ZNF236: variants seen among roughly 807,000 people sequenced by gnomAD.
ZNF236 encodes regulated by glucose.
In ZNF236, 50 loss-of-function variants were observed where a neutral mutation model predicts 191.2. The ratio of observed to expected loss-of-function variants is 0.26; its 90% confidence interval spans 0.21 to 0.33. ZNF236 has a LOEUF of 0.33. ZNF236 is among the 10% of genes least tolerant of loss of function. The pLI, the probability that ZNF236 is intolerant of heterozygous loss-of-function variation, is 1.00. For synonymous variants in ZNF236, 907 were observed against 928.8 expected (o/e 0.98, Z 0.43); for missense variants, 1,754 against 2,374.5 (o/e 0.74, Z 5.43).
At chr18:76,963,707 CT>C (rs1439343227) in intron 30 of ZNF236, among the ~76,000 whole-genome samples, 1 of 152,054 alleles carries the variant, frequency 6.6e-6, no homozygotes, top group Non-Finnish European at 1.5e-5. Context: ...TGGTTGTGGA[CT>C]TTGTTTTGTT....
chr18:76,902,296 T>G (rs1263453200), intron 11 of ZNF236, among the ~76,000 whole-genome samples: 3 of 152,230 alleles, frequency 2.0e-5, no homozygotes, highest in Non-Finnish European at 4.4e-5. Flanking sequence ...AAGACTTGGC[T>G]GTCATAATCT....
intron 3 of ZNF236, among the ~76,000 whole-genome samples, chr18:76,855,515 T>G (rs1976016770): frequency 6.6e-6 from 1 of 152,224 alleles, no homozygotes; most frequent in African/African-American, 2.4e-5. Context: ...ACTATGTGTC[T>G]TAAGTGTAAT....
intron 10 of ZNF236, among the ~76,000 whole-genome samples, chr18:76,895,645 G>T (rs1168080773): frequency 6.6e-6 from 1 of 151,358 alleles, no homozygotes; most frequent in Non-Finnish European, 1.5e-5. Context: ...CTGTGCACAG[G>T]TACTGCACAC....
chr18:76,865,320 A>T (rs541840189), intron 3 of ZNF236, among the ~76,000 whole-genome samples: 1 of 152,284 alleles, frequency 6.6e-6, no homozygotes, highest in Non-Finnish European at 1.5e-5. Context: ...CTGGGCCACA[A>T]GAGTGAAACT....
At chr18:76,838,007 G>C (rs1371995684) in intron 1 of ZNF236, among the ~76,000 whole-genome samples, 1 of 152,128 alleles carries the variant, frequency 6.6e-6, no homozygotes, top group Admixed American at 6.5e-5. Flanking sequence ...ACAAATTGTT[G>C]GTGGTACATG....
At chr18:76,903,649 C>T (rs1351728327) in intron 11 of ZNF236, among the ~76,000 whole-genome samples, 2 of 152,128 alleles carry the variant, frequency 1.3e-5, no homozygotes, top group East Asian at 1.9e-4. Flanking sequence ...GTGTGTCACC[C>T]TCTTAACGTT....
chr18:76,870,925 T>G (rs758914416), intron 4 of ZNF236, among the ~76,000 whole-genome samples: 1 of 152,102 alleles, frequency 6.6e-6, no homozygotes, highest in Non-Finnish European at 1.5e-5. Flanking sequence ...GACCAGACTT[T>G]CGGGTGGCAC....
intron 10 of ZNF236, among the ~76,000 whole-genome samples, chr18:76,896,771 A>G (rs537486109): frequency 2.0e-5 from 3 of 151,910 alleles, no homozygotes; most frequent in South Asian, 4.2e-4. Context: ...AGTACAGCAC[A>G]CAGGTACTGC....
chr18:76,923,398 T>C (rs1259717474), intron 21 of ZNF236, among the ~76,000 whole-genome samples: 1 of 152,232 alleles, frequency 6.6e-6, no homozygotes, highest in Non-Finnish European at 1.5e-5. Context: ...AGTTGAATTT[T>C]TCTTAAAAAT....
At chr18:76,827,963 C>T (rs1975062951) in intron 1 of ZNF236, among the ~76,000 whole-genome samples, 1 of 152,114 alleles carries the variant, frequency 6.6e-6, no homozygotes, top group Admixed American at 6.6e-5. Flanking sequence ...TAGTTGGCCT[C>T]CTGCTGTTTC....
At chr18:76,895,480 G>A (rs1187820550) in intron 10 of ZNF236, 195 bp downstream of exon 10, 9 of 744,266 alleles carry the variant, frequency 1.2e-5, no homozygotes, top group South Asian at 3.7e-5. Context: ...CACCCACACC[G>A]GTACTGCCCA....
At chr18:76,893,318 G>T (rs1331633145) in intron 9 of ZNF236, among the ~76,000 whole-genome samples, 14 of 152,034 alleles carry the variant, frequency 9.2e-5, no homozygotes, top group Non-Finnish European at 2.9e-5. Flanking sequence ...ATTTTAAGCA[G>T]TCTTAAATTT....
chr18:76,954,921 A>G (rs1473441690), intron 27 of ZNF236, among the ~76,000 whole-genome samples: 2 of 152,022 alleles, frequency 1.3e-5, no homozygotes, highest in Non-Finnish European at 2.9e-5. Context: ...ATAATATAGC[A>G]CCCTGTATAA....
rs1343986850 is a variant in ZNF236 at position 76,895,343 on chromosome 18, T to C, written c.1690+58T>C. The stretch of plus-strand genomic sequence containing the variant: ...TGGCCACGGGGGCCACACACATTAC[T>C]GCGCACATATACCAAACACAGGTAT... On this transcript the variant is annotated intron_variant, in intron 10 of 30. Transcript: ENST00000320610. 7.0e-6 allele frequency: 11 copies of C among 1,582,274 alleles called. No individual in the cohort carries two copies. The East Asian group carries it at 2.5e-4, about 36-fold the overall frequency.
At chr18:76,871,964 T>G in intron 5 of ZNF236, 139 bp downstream of exon 5, 2 of 1,070,868 alleles carry the variant, frequency 1.9e-6, no homozygotes, top group Non-Finnish European at 2.7e-6. Context: ...TAGTTACTCT[T>G]TGTGTGATTT....
intron 25 of ZNF236, among the ~76,000 whole-genome samples, chr18:76,932,275 C>G (rs1365483112): frequency 6.6e-6 from 1 of 152,146 alleles, no homozygotes; most frequent in Non-Finnish European, 1.5e-5. Flanking sequence ...GGCTTTTCTC[C>G]CAACGCCAGC....
intron 9 of ZNF236, among the ~76,000 whole-genome samples, chr18:76,883,454 TG>T (rs1166973914): frequency 2.0e-5 from 3 of 151,252 alleles, no homozygotes; most frequent in African/African-American, 7.3e-5. Flanking sequence ...GACTGGGTCT[TG>T]CTGTGTTGTC....
In ZNF236 at chr18:76,876,780, A is replaced by G. The variant is rs376292224; in HGVS notation, c.840+1116A>G. Among the ~76,000 whole-genome samples, 9 of 152,300 alleles carry G rather than the reference A, an allele frequency of 5.9e-5. No homozygotes were observed. The East Asian group carries it at 1.7e-3, about 29-fold the overall frequency. Reference sequence around the variant, plus strand: ...GATGATTGCATAGGAAGGATCGTCTATTTGTGTAGCACACAGAAATGCCTC... The same window carrying G: ...GATGATTGCATAGGAAGGATCGTCTGTTTGTGTAGCACACAGAAATGCCTC... On this transcript the variant is annotated intron_variant, in intron 6 of 30. Coordinates refer to ENST00000320610, the MANE Select transcript of ZNF236 (RefSeq NM_001306089.2).
Position 76,960,856 on chromosome 18 carries a change from G to C in ZNF236, c.5419+1G>C, listed in dbSNP as rs755240051. The C allele has an allele frequency of 6.2e-7, 1 of 1,609,192 alleles. No individual in the cohort carries two copies. The highest frequency in any genetic ancestry group is 8.5e-7 in the Non-Finnish European group (1 of 1,176,492). ...ATGAAGCGGGCGCACAGCTATGCTG[G>C]TGAGAATGCTGCACCCGGGAGTGCG... is the stretch of plus-strand genomic sequence containing the variant. On this transcript the variant is annotated splice_donor_variant, in intron 30 of 30. Coordinates refer to ENST00000320610, the MANE Select transcript of ZNF236 (RefSeq NM_001306089.2). LOFTEE classifies it high-confidence loss of function. This position sits in a 1 kb window ranked among gnomAD's most constrained non-coding sequence, Gnocchi z 4.4.
Sources: gnomAD v4.1 joint callset for allele counts (sites outside exome capture counted in the v4.1 genomes callset) on GRCh38, gnomAD v4.1.1 for gene constraint, Gnocchi (gnomAD v3.1) non-coding constraint, MANE v1.5 for transcripts, NCBI Gene and HGNC (gene_info 2026-07-23, HGNC 2026-07-21) for gene names.